NRG3: variants seen among roughly 807,000 people sequenced by gnomAD.
NRG3 encodes pro-neuregulin-3, membrane-bound isoform.
In NRG3, 31 loss-of-function variants were observed where a neutral mutation model predicts 66.9. The ratio of observed to expected loss-of-function variants is 0.46; its 90% confidence interval spans 0.35 to 0.63. NRG3 has a LOEUF of 0.63. Among genes scored for constraint, NRG3 ranks in the 20% least tolerant of loss-of-function variants. NRG3 has a pLI of 0.00. For synonymous variants in NRG3, 393 were observed against 359.4 expected (o/e 1.09, Z -1.06); for missense variants, 910 against 878.9 (o/e 1.04, Z -0.45).
intron 2 of NRG3, among the ~76,000 whole-genome samples, chr10:82,591,476 T>G (rs1473630209): frequency 6.6e-6 from 1 of 152,230 alleles, no homozygotes; most frequent in African/African-American, 2.4e-5. Context: ...ATTAGTAAAC[T>G]CAATTTGATT....
At chr10:82,466,259 C>T (rs746112523) in intron 2 of NRG3, among the ~76,000 whole-genome samples, 1 of 152,128 alleles carries the variant, frequency 6.6e-6, no homozygotes, top group Non-Finnish European at 1.5e-5. Context: ...CAACCACTGC[C>T]TGCCAGAGTC....
chr10:82,699,474 A>G (rs1437037710), intron 2 of NRG3, among the ~76,000 whole-genome samples: 1 of 152,144 alleles, frequency 6.6e-6, no homozygotes, highest in African/African-American at 2.4e-5. Flanking sequence ...CTTTTGTCCA[A>G]AATTGTAGCT....
chr10:82,170,673 TATATATATATATA>T (rs2072521782), intron 1 of NRG3, among the ~76,000 whole-genome samples: 1 of 109,964 alleles, frequency 9.1e-6, no homozygotes, highest in Non-Finnish European at 1.8e-5. Context: ...TATATATATA[TATATATATATATA>T]TATATATATA....
At chr10:82,280,509 G>A (rs1236645537) in intron 1 of NRG3, among the ~76,000 whole-genome samples, 2 of 152,112 alleles carry the variant, frequency 1.3e-5, no homozygotes, top group South Asian at 2.1e-4. Context: ...TTTATAGCTC[G>A]TGCAAAGCTT....
At chr10:81,926,885 A>G (rs537073260) in intron 1 of NRG3, among the ~76,000 whole-genome samples, 59 of 152,320 alleles carry the variant, frequency 3.9e-4, no homozygotes, top group African/African-American at 1.3e-3. Context: ...AAAAGTATAT[A>G]AATGAGATAA....
In NRG3 at chr10:82,792,607, C is replaced by A. The variant is rs75508163; in HGVS notation, c.1027+53957C>A. ...ATATTGTCTTCCAGTTTAACAAACT[C>A]TTCTATATTGTGACTAGTTTTTGAA... is the stretch of plus-strand genomic sequence containing the variant. On this transcript the variant is annotated intron_variant, in intron 3 of 8. Transcript: ENST00000372141. 1.7e-3 allele frequency among the ~76,000 whole-genome samples: 257 copies of A among 151,892 alleles called. 9 individuals carry two copies. The East Asian group carries it at 0.047, about 28-fold the overall frequency.
At chr10:82,770,566 G>A (rs975706595) in intron 3 of NRG3, among the ~76,000 whole-genome samples, 12 of 152,148 alleles carry the variant, frequency 7.9e-5, no homozygotes, top group Admixed American at 7.9e-4. Context: ...CATTGTAGAA[G>A]CAGAGAGTCC....
At chr10:82,018,611 T>C (rs1259664460) in intron 1 of NRG3, among the ~76,000 whole-genome samples, 2 of 152,188 alleles carry the variant, frequency 1.3e-5, no homozygotes, top group East Asian at 3.9e-4. Flanking sequence ...TTTATTTCGT[T>C]GAGCAGTGGT....
intron 1 of NRG3, among the ~76,000 whole-genome samples, chr10:81,968,565 A>G (rs1313184449): frequency 6.6e-6 from 1 of 152,164 alleles, no homozygotes; most frequent in Non-Finnish European, 1.5e-5. Flanking sequence ...AGAATGCTTG[A>G]ACTTAAAACT....
intron 1 of NRG3, among the ~76,000 whole-genome samples, chr10:82,155,230 C>T (rs1302919219): frequency 1.3e-5 from 2 of 151,694 alleles, no homozygotes; most frequent in African/African-American, 2.4e-5. Flanking sequence ...CTTTAAATTG[C>T]TTTCAATGTA....
chr10:82,182,747 C>T (rs932493692), intron 1 of NRG3, among the ~76,000 whole-genome samples: 1 of 151,646 alleles, frequency 6.6e-6, no homozygotes, highest in African/African-American at 2.4e-5. Flanking sequence ...TATATGTTTT[C>T]AGTTTATCAT....
At chr10:82,418,386 GTTT>G (rs2088758708) in intron 2 of NRG3, among the ~76,000 whole-genome samples, 1 of 145,602 alleles carries the variant, frequency 6.9e-6, no homozygotes, top group African/African-American at 2.6e-5. Flanking sequence ...AAATTAACCA[GTTT>G]ATGCAAATGT....
At chr10:82,841,906 AT>A (rs140729032) in intron 3 of NRG3, among the ~76,000 whole-genome samples, 102 of 152,302 alleles carry the variant, frequency 6.7e-4, no homozygotes, top group African/African-American at 2.4e-3. Flanking sequence ...TATTGTGTCT[AT>A]TGGTGTGGAT....
At chr10:82,579,351 C>G (rs183735593) in intron 2 of NRG3, among the ~76,000 whole-genome samples, 33 of 151,842 alleles carry the variant, frequency 2.2e-4, no homozygotes, top group Non-Finnish European at 1.5e-5. Context: ...TTAATTTGGC[C>G]AAATGTAATT....
intron 4 of NRG3, among the ~76,000 whole-genome samples, chr10:82,917,983 T>C (rs1326042575): frequency 8.2e-6 from 1 of 121,926 alleles, no homozygotes; most frequent in Non-Finnish European, 1.8e-5. Flanking sequence ...TATATATATA[T>C]ATATATATAT....
chr10:82,613,857 T>C (rs1590877480), intron 2 of NRG3, among the ~76,000 whole-genome samples: 2 of 105,548 alleles, frequency 1.9e-5, no homozygotes, highest in Non-Finnish European at 3.5e-5. Flanking sequence ...CCCACAACAG[T>C]CCCCAGAGTG....
chr10:82,753,945 C>CAA (rs57793727), intron 3 of NRG3, among the ~76,000 whole-genome samples: 8 of 108,004 alleles, frequency 7.4e-5, no homozygotes, highest in Non-Finnish European at 7.9e-5. Flanking sequence ...GACTCCATCT[C>CAA]AAAAAAAAAA....
intron 2 of NRG3, among the ~76,000 whole-genome samples, chr10:82,610,570 G>T (rs553631107): frequency 6.6e-6 from 1 of 152,264 alleles, no homozygotes; most frequent in African/African-American, 2.4e-5. Context: ...AGCCCACTGG[G>T]ATGCTCTTGG....
At chr10:82,649,112 A>C (rs1184794770) in intron 2 of NRG3, among the ~76,000 whole-genome samples, 1 of 152,178 alleles carries the variant, frequency 6.6e-6, no homozygotes, top group Non-Finnish European at 1.5e-5. Flanking sequence ...TAGTGTTGGA[A>C]GTTCTGGCCA....
Sources: allele counts gnomAD v4.1 joint callset (sites outside exome capture counted in the v4.1 genomes callset), GRCh38; gene constraint gnomAD v4.1.1; transcripts MANE v1.5; gene names NCBI Gene and HGNC (gene_info 2026-07-23, HGNC 2026-07-21).